The following AARS1 variants were observed in gnomAD, a reference collection of about 807,000 sequenced individuals.
AARS1 encodes alanyl-tRNA synthetase 1, also known as alanine--tRNA ligase, cytoplasmic.
Under a neutral mutation model 108.9 loss-of-function variants are expected in AARS1, and 72 were observed. The observed-to-expected ratio is 0.66, with a 90% CI of 0.55 to 0.80. The LOEUF is 0.80. AARS1 is among the 30% of genes least tolerant of loss of function. The pLI, the probability that AARS1 is intolerant of heterozygous loss-of-function variation, is 0.00. For synonymous variants in AARS1, 489 were observed against 465.7 expected, an observed-to-expected ratio of 1.05 and a Z score of -0.64; for missense variants, 1,193 against 1,233.2, an observed-to-expected ratio of 0.97 and a Z score of 0.49.
rs1226703454 is a variant in AARS1 at position 70,256,607 on chromosome 16, T to A, written c.2178-771A>T. 1.7e-3 allele frequency among the ~76,000 whole-genome samples: 259 copies of A among 152,252 alleles called. 3 individuals carry two copies. The highest frequency in any genetic ancestry group is 2.4e-4 in the Non-Finnish European group (16 of 68,012). On this transcript the variant is annotated intron_variant, in intron 15 of 20. Transcript: ENST00000261772. ...GAGGCAACATACCCAACCCTTGGTA[T>A]AAAGTTTTTGAAAGCTGTTTCCTGT...
intron 4 of AARS1, among the ~76,000 whole-genome samples, chr16:70,273,009 T>TA (rs1960447761): frequency 6.6e-6 from 1 of 151,956 alleles, no homozygotes; most frequent in South Asian, 2.1e-4. Context: ...AAGAGGATTT[T>TA]AAAAACCAGC....
chr16:70,254,172 G>T, intron 17 of AARS1, 134 bp from the exon 18 acceptor site: 1 of 1,190,580 alleles, frequency 8.4e-7, no homozygotes. Context: ...TTTGAGACCA[G>T]TCCCTTTAGG....
chr16:70,268,750 G>A (rs1212457744), intron 7 of AARS1, among the ~76,000 whole-genome samples: 1 of 152,154 alleles, frequency 6.6e-6, no homozygotes, highest in Non-Finnish European at 1.5e-5. Context: ...TCTCCTATCA[G>A]GCAACTTTGA....
rs142128800 is a variant in AARS1 at position 70,267,761 on chromosome 16, T to C, written c.1120A>G (p.Ile374Val). 11 of 1,614,186 alleles carry C rather than the reference T, an allele frequency of 6.8e-6. No homozygotes were observed. Among genetic ancestry groups the C allele is most frequent in the African/African-American group, 1.3e-5 (1 of 75,048 alleles). Residue 374 changes from isoleucine to valine, a missense_variant, in exon 9 of 21, where the codon ATC (isoleucine) becomes GTC (valine). Ile to Val is a conservative substitution (Grantham distance 29). Transcript: ENST00000261772. ...AACTGCACCTCTTCTTCATTAATGA[T>C]GTCCTTCACCATGTCTGGGTCCTTC... is the stretch of plus-strand genomic sequence containing the variant. ...LKKDPDMVKD[I>V]INEEEVQFLK...
At chr16:70,284,911 C>T (rs939364356) in intron 1 of AARS1, among the ~76,000 whole-genome samples, 1 of 152,182 alleles carries the variant, frequency 6.6e-6, no homozygotes, top group African/African-American at 2.4e-5. Flanking sequence ...AAAAGCTATA[C>T]TGTATTTGGA....
At position 70,252,433 on chromosome 16, in the gene AARS1, T is replaced by C; in HGVS notation, c.*288A>G. On this transcript the variant is annotated 3_prime_UTR_variant, in exon 21 of 21. Transcript: ENST00000261772. Reference sequence around the variant, plus strand: ...TATTCTCTGCAGCAAAAACGATTCCTACTTGCTGACGCGGAAAGCTCAGGT... The same window carrying C: ...TATTCTCTGCAGCAAAAACGATTCCCACTTGCTGACGCGGAAAGCTCAGGT... The C allele has an allele frequency of 2.0e-6, 1 of 503,126 alleles. No homozygotes were observed. The highest frequency in any genetic ancestry group is 3.6e-6 in the Non-Finnish European group (1 of 276,650). The allele number at this position is 503,126 out of a possible 1,614,324, so 31.2% of individuals were successfully genotyped here. A position where few individuals can be genotyped will look rare whatever the true frequency, so the allele number is the denominator to read the frequency against.
At chr16:70,260,608 A>T (rs1474391974) in intron 13 of AARS1, among the ~76,000 whole-genome samples, 1 of 152,038 alleles carries the variant, frequency 6.6e-6, no homozygotes, top group Non-Finnish European at 1.5e-5. Context: ...CAATCCACCA[A>T]ATGCACCTAA....
intron 11 of AARS1, among the ~76,000 whole-genome samples, chr16:70,264,179 G>A (rs1157959490): frequency 6.6e-6 from 1 of 151,060 alleles, no homozygotes; most frequent in Non-Finnish European, 1.5e-5. Flanking sequence ...CCAGGAGGTG[G>A]AGGTTGCAGT....
chr16:70,266,927 C>A (rs1960277228), intron 9 of AARS1, among the ~76,000 whole-genome samples: 1 of 152,134 alleles, frequency 6.6e-6, no homozygotes, highest in African/African-American at 2.4e-5. Context: ...ACCTCCGCCT[C>A]CCCGGTTCAA....
In AARS1 at chr16:70,269,624, CCT is replaced by C. The variant is rs2152161662; in HGVS notation, c.954_955del (p.Gly319AlafsTer18). The C allele has an allele frequency of 6.2e-7, 1 of 1,614,066 alleles. No individual in the cohort carries two copies. Among genetic ancestry groups the C allele is most frequent in the Non-Finnish European group, 8.5e-7 (1 of 1,180,026 alleles). On this transcript the variant is annotated frameshift_variant, in exon 7 of 21. Coordinates refer to ENST00000261772, the MANE Select transcript of AARS1 (RefSeq NM_001605.3). LOFTEE classifies it high-confidence loss of function. ...CAGTGTGCAGCATACTTACCCACGC[CCT>C]GTGTTGTCAGGCCGGCCACCATCAG...
At chr16:70,277,448 C>G (rs1055918795) in intron 2 of AARS1, among the ~76,000 whole-genome samples, 1 of 152,110 alleles carries the variant, frequency 6.6e-6, no homozygotes, top group Non-Finnish European at 1.5e-5. Context: ...TGTGGTAAAA[C>G]GTGGGCTTCT....
In AARS1 at chr16:70,268,321, C is replaced by T. The variant is rs1960315378; in HGVS notation, c.1021G>A (p.Ala341Thr). The change falls in exon 8 of 21, where the codon GCC becomes ACC. Residue 341 changes from alanine to threonine, a missense_variant. Physicochemically the swap from Ala to Thr is moderately conservative, Grantham distance 58. Transcript: ENST00000261772. ...AACGTAGCAAAGAAGCCCCTGCTGG[C>T]ATTGAGCTTTTCATGGGCGTATCGG... ...AVRYAHEKLN[A>T]SRGFFATLVD... The T allele has an allele frequency of 6.2e-7, 1 of 1,614,216 alleles. No individual in the cohort carries two copies. Among genetic ancestry groups the T allele is most frequent in the Non-Finnish European group, 8.5e-7 (1 of 1,180,032 alleles).
In AARS1 at chr16:70,265,675, A is replaced by T; in HGVS notation, c.1223-13T>A. On this transcript the variant is annotated splice_polypyrimidine_tract_variant and intron_variant, in intron 9 of 20. Coordinates refer to ENST00000261772, the MANE Select transcript of AARS1 (RefSeq NM_001605.3). ...CAAGCAGTGTCTCCTACACAGCACA[A>T]AGGAGGTGTGTCAAAAAAAACAGAC... 6.2e-7 allele frequency: 1 copy of T among 1,612,524 alleles called. No homozygotes were observed. Among genetic ancestry groups the T allele is most frequent in the Non-Finnish European group, 8.5e-7 (1 of 1,179,104 alleles).
Position 70,285,526 on chromosome 16 carries a change from G to A in AARS1, c.-21-2742C>T, listed in dbSNP as rs912709999. 2.6e-5 allele frequency among the ~76,000 whole-genome samples: 4 copies of A among 152,196 alleles called. 1 individual carries two copies. In the South Asian group the frequency reaches 6.2e-4, roughly 24 times the overall value. On this transcript the variant is annotated intron_variant, in intron 1 of 20. Coordinates refer to ENST00000261772, the MANE Select transcript of AARS1 (RefSeq NM_001605.3). ...CGCTGTGGCGCAATCTCAGCTCACT[G>A]CAGCTTCCACCTCCCAAGTTCCTGC...
intron 17 of AARS1, 108 bp downstream of exon 17, chr16:70,254,513 C>A (rs547139849): frequency 1.2e-6 from 1 of 810,826 alleles, no homozygotes; most frequent in Non-Finnish European, 2.1e-6. Context: ...AGCCCAAAGG[C>A]CCATTCCACC....
rs776572216 is a variant in AARS1, at chr16:70,270,256, C to G, written c.756G>C (p.Gln252His). The G allele has an allele frequency of 1.9e-6, 3 of 1,614,178 alleles. No homozygotes were observed. Among genetic ancestry groups the G allele is most frequent in the Non-Finnish European group, 2.5e-6 (3 of 1,180,034 alleles). ...MGLERLVSVL[Q>H]NKMSNYDTDL... ...CAGTGTCATAGTTGGACATCTTATT[C>G]TGCAGCACAGATACCAGTCGTTCCA... Residue 252 changes from glutamine (Q) to histidine (H), a missense_variant, in exon 6 of 21, where the codon CAG becomes CAC. Physicochemically the swap from Gln to His is conservative, Grantham distance 24 (BLOSUM62 0). Coordinates refer to ENST00000261772, the MANE Select transcript of AARS1 (RefSeq NM_001605.3).
chr16:70,264,759 A>G lies in AARS1; in HGVS notation c.1492+199T>C, dbSNP rs74024184. 0.072 allele frequency among the ~76,000 whole-genome samples: 10,908 copies of G among 152,062 alleles called. 1,308 individuals are homozygous for G. Among genetic ancestry groups the G allele is most frequent in the African/African-American group, 0.25 (10,267 of 41,368 alleles). On this transcript the variant is annotated intron_variant, in intron 11 of 20. Transcript: ENST00000261772. Reference sequence around the variant, plus strand: ...TTTTTTTTTTACAACTTCCTGTGACAATAATTATTTCAAAATAGAGTTAAG... The same window carrying G: ...TTTTTTTTTTACAACTTCCTGTGACGATAATTATTTCAAAATAGAGTTAAG...
chr16:70,259,876 G>A (rs942909211), intron 13 of AARS1, among the ~76,000 whole-genome samples: 6 of 151,990 alleles, frequency 3.9e-5, no homozygotes, highest in East Asian at 1.9e-4. Flanking sequence ...GAGTTCAAGC[G>A]ATTCTCCTGC....
At chr16:70,266,826 A>G (rs1216193608) in intron 9 of AARS1, among the ~76,000 whole-genome samples, 1 of 150,728 alleles carries the variant, frequency 6.6e-6, no homozygotes. Flanking sequence ...CCAGCCTTAC[A>G]CATCTATTTC....
Sources: gnomAD v4.1 joint callset for allele counts (sites outside exome capture counted in the v4.1 genomes callset) on GRCh38, gnomAD v4.1.1 for gene constraint, MANE v1.5 for transcripts, NCBI Gene and HGNC (gene_info 2026-07-23, HGNC 2026-07-21) for gene names.